MAP4: variants seen among roughly 807,000 people sequenced by gnomAD.
MAP4 encodes microtubule-associated protein 4.
Under a neutral mutation model 170.2 loss-of-function variants are expected in MAP4, and 76 were observed. That is an observed-to-expected ratio of 0.45 (90% confidence interval 0.37 to 0.54). MAP4 has a LOEUF of 0.54. Ranked by LOEUF, MAP4 falls within the 20% of genes least tolerant of loss-of-function variation. The pLI is 0.00. For missense variants in MAP4, 2,506 were observed against 2,748.0 expected (o/e 0.91, Z 1.97); for synonymous variants, 909 against 994.5 (o/e 0.91, Z 1.62).
intron 9 of MAP4, among the ~76,000 whole-genome samples, chr3:47,908,057 A>T (rs939569490): frequency 3.4e-5 from 5 of 149,138 alleles, no homozygotes; most frequent in African/African-American, 1.2e-4. Flanking sequence ...TGTTTTTTTT[A>T]AATTCTGGAG....
At chr3:48,085,938 GC>G (rs2100148760) in intron 1 of MAP4, among the ~76,000 whole-genome samples, 1 of 152,180 alleles carries the variant, frequency 6.6e-6, no homozygotes, top group Non-Finnish European at 1.5e-5. Context: ...TGTAGTTCCA[GC>G]CACTAGGGAG....
At chr3:48,068,264 CAAAA>C (rs34691079) in intron 1 of MAP4, among the ~76,000 whole-genome samples, 1 of 106,726 alleles carries the variant, frequency 9.4e-6, no homozygotes, top group Non-Finnish European at 1.9e-5. Flanking sequence ...GATTCTGTCT[CAAAA>C]AAAAAAAAAA....
chr3:47,994,340 G>C (rs2100094125), intron 2 of MAP4, among the ~76,000 whole-genome samples: 1 of 152,174 alleles, frequency 6.6e-6, no homozygotes, highest in Non-Finnish European at 1.5e-5. Flanking sequence ...AGAAAACCTA[G>C]TATGAAGAAA....
intron 10 of MAP4, among the ~76,000 whole-genome samples, chr3:47,902,672 T>TAAA (rs2100030720): frequency 4.5e-5 from 1 of 22,376 alleles, no homozygotes; most frequent in Non-Finnish European, 8.2e-5. Context: ...AGACTCTGTC[T>TAAA]CAAAAAAAAA....
chr3:48,075,455 G>A (rs978348109), intron 1 of MAP4, among the ~76,000 whole-genome samples: 1 of 151,930 alleles, frequency 6.6e-6, no homozygotes, highest in Admixed American at 6.6e-5. Flanking sequence ...AACCTGGAAG[G>A]CAGAGAGGTT....
At chr3:48,045,303 GT>G (rs1189947884) in intron 1 of MAP4, among the ~76,000 whole-genome samples, 1 of 150,540 alleles carries the variant, frequency 6.6e-6, no homozygotes, top group African/African-American at 2.4e-5. Flanking sequence ...TAAAAACTCT[GT>G]CAGTTATAAT....
chr3:48,024,119 G>C (rs760069944), intron 1 of MAP4, among the ~76,000 whole-genome samples: 10 of 152,138 alleles, frequency 6.6e-5, no homozygotes, highest in Non-Finnish European at 1.3e-4. Context: ...AGACCATCCA[G>C]GCCAACATGG....
At chr3:47,883,119 T>A (rs1006780376) in intron 10 of MAP4, among the ~76,000 whole-genome samples, 3 of 152,042 alleles carry the variant, frequency 2.0e-5, no homozygotes, top group African/African-American at 7.2e-5. Flanking sequence ...CCCTAAAATA[T>A]GTCTTAAGTG....
intron 3 of MAP4, among the ~76,000 whole-genome samples, chr3:47,965,307 G>A (rs1276433580): frequency 6.6e-6 from 1 of 152,120 alleles, no homozygotes; most frequent in Non-Finnish European, 1.5e-5. Flanking sequence ...GTGTTGATGG[G>A]ACATCTGGGT....
At chr3:48,017,132 A>T (rs1050609536), upstream of MAP4, among the ~76,000 whole-genome samples, 7 of 152,168 alleles carry the variant, frequency 4.6e-5, no homozygotes, top group Non-Finnish European at 1.0e-4. Context: ...TCACTTTAAT[A>T]GATGGAAAAA....
intron 2 of MAP4, 35 bp downstream of exon 2, chr3:47,998,603 T>C (rs1342862563): frequency 6.6e-7 from 1 of 1,524,540 alleles, no homozygotes. Flanking sequence ...ACCTGCTTTC[T>C]GAACATATAT....
rs954756197 is a variant in MAP4 at position 47,855,899 on chromosome 3, C to T, written c.6584-539G>A. 5.9e-5 allele frequency among the ~76,000 whole-genome samples: 9 copies of T among 152,112 alleles called. No individual in the cohort carries two copies. Among genetic ancestry groups the T allele is most frequent in the African/African-American group, 1.9e-4 (8 of 41,426 alleles). On this transcript the variant is annotated intron_variant, in intron 18 of 20. Transcript: ENST00000683076. This position sits in a 1 kb window ranked among gnomAD's most constrained non-coding sequence, Gnocchi z 5.1. ...ACAGGTTGTGAAAATTGTCTGAGAC[C>T]CTAAACCGTACCACACTCTAGCAAA...
chr3:47,925,616 A>G (rs927215088), intron 4 of MAP4, among the ~76,000 whole-genome samples: 4 of 152,220 alleles, frequency 2.6e-5, no homozygotes, highest in African/African-American at 9.6e-5. Flanking sequence ...AGTGAAAAAA[A>G]GCAGTCACAA....
At chr3:47,903,678 A>T (rs1416362792) in intron 9 of MAP4, among the ~76,000 whole-genome samples, 1 of 152,268 alleles carries the variant, frequency 6.6e-6, no homozygotes, top group Non-Finnish European at 1.5e-5. Flanking sequence ...CAGCAGCATG[A>T]AAAAATAACA....
intron 1 of MAP4, among the ~76,000 whole-genome samples, chr3:48,050,007 C>T (rs920725559): frequency 6.6e-6 from 1 of 151,374 alleles, no homozygotes; most frequent in African/African-American, 2.4e-5. Flanking sequence ...TACCTGTAAT[C>T]CCAGCAATTT....
chr3:48,086,810 T>C (rs1208409001), intron 1 of MAP4, among the ~76,000 whole-genome samples: 5 of 152,156 alleles, frequency 3.3e-5, no homozygotes, highest in African/African-American at 1.2e-4. Flanking sequence ...ACTTAATACT[T>C]CCAACATGCA....
intron 2 of MAP4, among the ~76,000 whole-genome samples, chr3:47,991,080 T>A (rs369548204): frequency 6.3e-4 from 96 of 152,236 alleles, no homozygotes; most frequent in African/African-American, 2.2e-3. Flanking sequence ...AGAAAAGGAA[T>A]AAAGGTCGGG....
At chr3:48,015,094 C>A (rs749058225) in intron 1 of MAP4, among the ~76,000 whole-genome samples, 15 of 152,092 alleles carry the variant, frequency 9.9e-5, no homozygotes, top group Non-Finnish European at 2.2e-4. Context: ...CAAAATATCG[C>A]CTCCTGTCAG....
intron 1 of MAP4, among the ~76,000 whole-genome samples, chr3:48,039,842 G>A (rs977043321): frequency 6.6e-6 from 1 of 152,188 alleles, no homozygotes; most frequent in African/African-American, 2.4e-5. Flanking sequence ...TAACAGACTG[G>A]TTTTTAATCT....
Sources: allele counts gnomAD v4.1 joint callset (sites outside exome capture counted in the v4.1 genomes callset), GRCh38; gene constraint gnomAD v4.1.1; non-coding constraint Gnocchi (gnomAD v3.1); transcripts MANE v1.5; gene names NCBI Gene and HGNC (gene_info 2026-07-23, HGNC 2026-07-21).